FAM169A: variants seen among roughly 807,000 people sequenced by gnomAD.
FAM169A encodes the protein family with sequence similarity 169 member A.
FAM169A carries 24 observed loss-of-function variants against 75.7 expected under a neutral mutation model. The ratio of observed to expected loss-of-function variants is 0.32; its 90% CI spans 0.23 to 0.45. The LOEUF is 0.45. Among genes scored for constraint, FAM169A ranks in the 20% least tolerant of loss-of-function variants. The pLI, the probability that FAM169A is intolerant of heterozygous loss-of-function variation, is 1.00. For missense variants in FAM169A, 673 were observed against 784.0 expected, an observed-to-expected ratio of 0.86 and a Z score of 1.69; for synonymous variants, 271 against 271.0, an observed-to-expected ratio of 1.00 and a Z score of 0.00.
chr5:74,845,558 T>C (rs1749110897), intron 1 of FAM169A, among the ~76,000 whole-genome samples: 2 of 152,236 alleles, frequency 1.3e-5, no homozygotes, highest in South Asian at 4.1e-4. Context: ...TTGATGTACA[T>C]ATGGTTGGGA....
chr5:74,793,434 A>AT (rs1746082580), intron 11 of FAM169A, among the ~76,000 whole-genome samples: 1 of 152,210 alleles, frequency 6.6e-6, no homozygotes, highest in Non-Finnish European at 1.5e-5. Flanking sequence ...GGAGACCATT[A>AT]TTCTAAGTGG....
chr5:74,808,094 G>A (rs762075351), intron 6 of FAM169A, among the ~76,000 whole-genome samples: 10 of 152,080 alleles, frequency 6.6e-5, no homozygotes, highest in Non-Finnish European at 1.5e-4. Context: ...CAGAATTACC[G>A]TATGACCCAC....
At chr5:74,807,174 A>T (rs1746931339) in intron 6 of FAM169A, among the ~76,000 whole-genome samples, 1 of 152,312 alleles carries the variant, frequency 6.6e-6, no homozygotes, top group Admixed American at 6.5e-5. Context: ...TAAGTCAAAA[A>T]TGCATTCACT....
intron 6 of FAM169A, among the ~76,000 whole-genome samples, chr5:74,807,503 ATGAG>A (rs1746951892): frequency 6.6e-6 from 1 of 152,192 alleles, no homozygotes; most frequent in Non-Finnish European, 1.5e-5. Context: ...TTTCTACTGA[ATGAG>A]TATCACTTTT....
intron 1 of FAM169A, among the ~76,000 whole-genome samples, chr5:74,854,959 C>A (rs1430265030): frequency 6.6e-6 from 1 of 152,110 alleles, no homozygotes; most frequent in African/African-American, 2.4e-5. Context: ...TTCTTTCTTT[C>A]TTTTGGGTAT....
intron 1 of FAM169A, among the ~76,000 whole-genome samples, chr5:74,862,013 C>T (rs982768060): frequency 6.6e-6 from 1 of 152,164 alleles, no homozygotes. Flanking sequence ...CTGTGTGACA[C>T]CAAAGCACAT....
rs767774805 is a variant in FAM169A, at chr5:74,804,499, C to T, written c.906G>A (p.Gln302=). ...ATATAGACAGTGTACCTACAGTTAG[C>T]TGCATCTCACTAGACTGATTGTCTT... ...RTEDNQSSEM[Q]LTIDSLKDAF... is the part of the protein sequence containing the mutation. The change falls in exon 8 of 13, where the codon CAG becomes CAA. Residue 302 remains glutamine, a synonymous_variant. Transcript: ENST00000687041. The T allele has an allele frequency of 2.6e-6, 4 of 1,564,370 alleles. No individual in the cohort carries two copies. Among genetic ancestry groups the T allele is most frequent in the Non-Finnish European group, 3.5e-6 (4 of 1,142,514 alleles).
chr5:74,795,703 TATATC>T (rs1237242056), intron 11 of FAM169A, among the ~76,000 whole-genome samples: 4 of 152,344 alleles, frequency 2.6e-5, no homozygotes, highest in Non-Finnish European at 5.9e-5. Context: ...AGGTAGATCT[TATATC>T]ATTTGTGTAT....
intron 5 of FAM169A, among the ~76,000 whole-genome samples, chr5:74,815,719 C>G (rs1747436304): frequency 1.3e-5 from 2 of 152,066 alleles, no homozygotes; most frequent in African/African-American, 2.4e-5. Flanking sequence ...TCATAAACAC[C>G]CTGCTGATAA....
At chr5:74,845,141 G>C (rs1447061053) in intron 1 of FAM169A, among the ~76,000 whole-genome samples, 2 of 152,114 alleles carry the variant, frequency 1.3e-5, no homozygotes, top group African/African-American at 4.8e-5. Context: ...AACTGAGTAT[G>C]TTTTTCTGAA....
intron 1 of FAM169A, among the ~76,000 whole-genome samples, chr5:74,856,259 A>G (rs1749699310): frequency 6.6e-6 from 1 of 152,102 alleles, no homozygotes; most frequent in Admixed American, 6.5e-5. Context: ...AGCTTTGGCT[A>G]TTCTGGGGTC....
chr5:74,791,536 C>A (rs1377070211), intron 11 of FAM169A, among the ~76,000 whole-genome samples: 6 of 152,170 alleles, frequency 3.9e-5, no homozygotes, highest in Non-Finnish European at 8.8e-5. Context: ...AGTCAACAGG[C>A]TAAGGAGGGA....
At chr5:74,786,016 G>A (rs1391519581) in intron 11 of FAM169A, among the ~76,000 whole-genome samples, 3 of 152,100 alleles carry the variant, frequency 2.0e-5, no homozygotes, top group Non-Finnish European at 4.4e-5. Context: ...AATCTGGGTG[G>A]GCACCATCTA....
chr5:74,792,459 C>A (rs985904758), intron 11 of FAM169A, among the ~76,000 whole-genome samples: 1 of 152,158 alleles, frequency 6.6e-6, no homozygotes, highest in Non-Finnish European at 1.5e-5. Flanking sequence ...GTGCTGGATG[C>A]TTCCTGCCCT....
chr5:74,789,262 T>G (rs547274730), intron 11 of FAM169A, among the ~76,000 whole-genome samples: 69 of 152,322 alleles, frequency 4.5e-4, no homozygotes, highest in African/African-American at 1.6e-3. Context: ...GATGAGACAT[T>G]TGCATGCCAG....
chr5:74,832,763 C>T (rs1299271627), intron 5 of FAM169A, among the ~76,000 whole-genome samples: 1 of 151,566 alleles, frequency 6.6e-6, no homozygotes, highest in Admixed American at 6.6e-5. Context: ...GTTTAGGTTT[C>T]CTTTGTAGAA....
chr5:74,838,114 CAAAAAAA>C (rs1169194601), intron 4 of FAM169A, among the ~76,000 whole-genome samples: 9 of 65,510 alleles, frequency 1.4e-4, no homozygotes, highest in South Asian at 5.7e-4. Flanking sequence ...AACTCCATCC[CAAAAAAA>C]AAAAAAAAAA....
intron 4 of FAM169A, among the ~76,000 whole-genome samples, chr5:74,836,352 T>C (rs1561315962): frequency 6.6e-6 from 1 of 152,178 alleles, no homozygotes; most frequent in South Asian, 2.1e-4. Context: ...CTTCACAGAT[T>C]AGCTCCTCCA....
chr5:74,843,219 AACAAG>A (rs906349998), intron 1 of FAM169A, among the ~76,000 whole-genome samples: 1 of 152,344 alleles, frequency 6.6e-6, no homozygotes, highest in African/African-American at 2.4e-5. Context: ...CCTGAAAGTG[AACAAG>A]ACAAAAGAGA....
Sources: gnomAD v4.1 joint callset for allele counts (sites outside exome capture counted in the v4.1 genomes callset) on GRCh38, gnomAD v4.1.1 for gene constraint, MANE v1.5 for transcripts, NCBI Gene and HGNC (gene_info 2026-07-23, HGNC 2026-07-21) for gene names.